CDKAL1: variants seen among roughly 807,000 people sequenced by gnomAD.
The protein encoded by CDKAL1 is threonylcarbamoyladenosine tRNA methylthiotransferase.
In CDKAL1, 32 loss-of-function variants were observed where a neutral mutation model predicts 68.2. The observed-to-expected ratio is 0.47, with a 90% CI of 0.35 to 0.63. The LOEUF is 0.63. Among genes scored for constraint, CDKAL1 ranks in the 30% least tolerant of loss-of-function variants. CDKAL1 has a pLI of 0.00. For synonymous variants in CDKAL1, 234 were observed against 244.3 expected, an observed-to-expected ratio of 0.96 and a Z score of 0.39; for missense variants, 606 against 696.7, an observed-to-expected ratio of 0.87 and a Z score of 1.47.
chr6:20,585,057 C>CTTTTTTTTT, intron 4 of CDKAL1, among the ~76,000 whole-genome samples: 1 of 131,686 alleles, frequency 7.6e-6, no homozygotes, highest in Non-Finnish European at 1.6e-5. Context: ...AATCTTGTTT[C>CTTTTTTTTT]TTTTTTTTTT....
chr6:21,219,834 A>G (rs778714429), intron 15 of CDKAL1, among the ~76,000 whole-genome samples: 3 of 152,230 alleles, frequency 2.0e-5, no homozygotes, highest in Non-Finnish European at 4.4e-5. Flanking sequence ...ACCCTTAGGA[A>G]CAATTATTTT....
intron 9 of CDKAL1, among the ~76,000 whole-genome samples, chr6:20,914,085 C>T (rs1424417335): frequency 3.3e-5 from 5 of 152,012 alleles, no homozygotes; most frequent in Admixed American, 2.6e-4. Context: ...GCCAGGAGCT[C>T]GAGACCACCC....
chr6:21,175,586 A>G (rs1272462995), intron 13 of CDKAL1, among the ~76,000 whole-genome samples: 1 of 152,170 alleles, frequency 6.6e-6, no homozygotes, highest in Non-Finnish European at 1.5e-5. Context: ...TTTATTTTCA[A>G]AGGCTACATG....
chr6:20,903,200 C>A (rs1249615807), intron 9 of CDKAL1, among the ~76,000 whole-genome samples: 1 of 152,182 alleles, frequency 6.6e-6, no homozygotes, highest in Non-Finnish European at 1.5e-5. Context: ...CTCTAACACA[C>A]AAACGCAGAC....
chr6:21,219,676 A>G (rs1167489843), intron 15 of CDKAL1, among the ~76,000 whole-genome samples: 1 of 152,206 alleles, frequency 6.6e-6, no homozygotes, highest in African/African-American at 2.4e-5. Flanking sequence ...CTGAAACCGT[A>G]TTTCCAGTGT....
chr6:20,742,244 C>T (rs1773490216), intron 6 of CDKAL1, among the ~76,000 whole-genome samples: 1 of 152,202 alleles, frequency 6.6e-6, no homozygotes, highest in African/African-American at 2.4e-5. Flanking sequence ...CAAACATTTT[C>T]TGCCATTCTG....
intron 8 of CDKAL1, among the ~76,000 whole-genome samples, chr6:20,824,931 T>A (rs1442701653): frequency 4.6e-5 from 7 of 152,092 alleles, no homozygotes; most frequent in Admixed American, 1.3e-4. Context: ...TTGTGATAAT[T>A]AGCTAATATA....
chr6:20,898,152 G>T (rs1761789898), intron 9 of CDKAL1, among the ~76,000 whole-genome samples: 1 of 151,664 alleles, frequency 6.6e-6, no homozygotes, highest in Admixed American at 6.6e-5. Flanking sequence ...GACTTCTTGG[G>T]CTCTTTTTAC....
chr6:20,565,128 A>C (rs1202559290), intron 4 of CDKAL1, among the ~76,000 whole-genome samples: 1 of 151,916 alleles, frequency 6.6e-6, no homozygotes, highest in Non-Finnish European at 1.5e-5. Context: ...TTTTTATCCC[A>C]TCAAAGCTAT....
chr6:20,900,793 G>A (rs1761923072), intron 9 of CDKAL1, among the ~76,000 whole-genome samples: 1 of 152,158 alleles, frequency 6.6e-6, no homozygotes, highest in African/African-American at 2.4e-5. Flanking sequence ...GTAATGTGCT[G>A]TAGAAGTTAA....
chr6:20,915,168 CAAA>C (rs68091041), intron 9 of CDKAL1, among the ~76,000 whole-genome samples: 4 of 138,614 alleles, frequency 2.9e-5, no homozygotes, highest in Admixed American at 7.2e-5. Flanking sequence ...TATATAATGG[CAAA>C]AAAAAAAAGG....
intron 4 of CDKAL1, among the ~76,000 whole-genome samples, chr6:20,582,081 C>CA (rs1765163696): frequency 6.6e-6 from 1 of 152,090 alleles, no homozygotes; most frequent in Non-Finnish European, 1.5e-5. Context: ...ATCTAACCCA[C>CA]AAAAATTTAA....
At chr6:21,040,482 C>T (rs1350661170) in intron 11 of CDKAL1, among the ~76,000 whole-genome samples, 1 of 151,744 alleles carries the variant, frequency 6.6e-6, no homozygotes, top group Non-Finnish European at 1.5e-5. Flanking sequence ...AAATGTAGAT[C>T]AGAAAGGGGT....
intron 12 of CDKAL1, among the ~76,000 whole-genome samples, chr6:21,078,386 A>G (rs1458598120): frequency 6.6e-6 from 1 of 152,240 alleles, no homozygotes; most frequent in African/African-American, 2.4e-5. Flanking sequence ...CCTAATCATA[A>G]TAATGATATA....
intron 15 of CDKAL1, among the ~76,000 whole-genome samples, chr6:21,225,732 T>C (rs1779715500): frequency 6.6e-6 from 1 of 152,314 alleles, no homozygotes; most frequent in African/African-American, 2.4e-5. Flanking sequence ...TCATTCATTA[T>C]AGTGTGTGCC....
At chr6:20,606,088 CAG>C (rs1477951393) in intron 4 of CDKAL1, among the ~76,000 whole-genome samples, 1 of 152,104 alleles carries the variant, frequency 6.6e-6, no homozygotes, top group African/African-American at 2.4e-5. Context: ...TTCCGTCTCT[CAG>C]GGGTCACTGT....
chr6:21,223,990 C>T (rs77624521), intron 15 of CDKAL1, among the ~76,000 whole-genome samples: 2 of 152,312 alleles, frequency 1.3e-5, no homozygotes, highest in South Asian at 2.1e-4. Context: ...TCCTTGTAAA[C>T]GTGTAGAGCA....
intron 6 of CDKAL1, among the ~76,000 whole-genome samples, chr6:20,745,189 G>A (rs745688913): frequency 6.6e-6 from 1 of 152,162 alleles, no homozygotes; most frequent in African/African-American, 2.4e-5. Context: ...CTCTAATCTC[G>A]AAAAGTGAAA....
intron 4 of CDKAL1, among the ~76,000 whole-genome samples, chr6:20,630,307 C>T (rs1480601920): frequency 2.0e-5 from 3 of 152,136 alleles, no homozygotes; most frequent in Non-Finnish European, 4.4e-5. Flanking sequence ...TGTGCCCTGA[C>T]ACCCTCTTCC....
Sources: allele counts gnomAD v4.1 joint callset (sites outside exome capture counted in the v4.1 genomes callset), GRCh38; gene constraint gnomAD v4.1.1; transcripts MANE v1.5; gene names NCBI Gene and HGNC (gene_info 2026-07-23, HGNC 2026-07-21).